Variants in CTDSPL observed in about 807,000 individuals in gnomAD.
The protein encoded by CTDSPL is CTD small phosphatase like.
In CTDSPL, 8 loss-of-function variants were observed where a neutral mutation model predicts 30.5. The ratio of observed to expected loss-of-function variants is 0.26; its 90% CI spans 0.15 to 0.47. CTDSPL has a LOEUF of 0.47. Ranked by LOEUF, CTDSPL falls within the 20% of genes least tolerant of loss-of-function variation. The probability of loss-of-function intolerance (pLI) is 0.99; values close to 1 mark genes in which losing one functional copy is unlikely to be tolerated. For missense variants in CTDSPL, 248 were observed against 366.1 expected, an observed-to-expected ratio of 0.68 and a Z score of 2.63; for synonymous variants, 110 against 137.9, an observed-to-expected ratio of 0.80 and a Z score of 1.42.
chr3:37,980,418 G>C (rs138623096), intron 7 of CTDSPL, among the ~76,000 whole-genome samples: 1 of 152,308 alleles, frequency 6.6e-6, no homozygotes, highest in Non-Finnish European at 1.5e-5. Flanking sequence ...AGTAGAAAGA[G>C]CTTTTGGAAG....
chr3:37,975,941 C>CTGG lies in CTDSPL; in HGVS notation c.705+49_705+50insGTG. The CTGG allele has an allele frequency of 6.3e-7, 1 of 1,583,386 alleles. No individual in the cohort carries two copies. Among genetic ancestry groups the CTGG allele is most frequent in the Non-Finnish European group, 8.6e-7 (1 of 1,158,814 alleles). ...AAATGTCGTGCTCCATCTGAGCCCTCTGTCTTGCCAGGCAGGTACCACTTT... is the reference window on the plus strand; with the variant it reads ...AAATGTCGTGCTCCATCTGAGCCCTCTGGTGTCTTGCCAGGCAGGTACCACTTT... On this transcript the variant is annotated intron_variant, in intron 7 of 7. Transcript: ENST00000273179. The surrounding 1 kb of genome is among the most constrained non-coding windows in gnomAD (Gnocchi z 4.9).
chr3:37,905,364 A>G (rs1272296195), intron 1 of CTDSPL, among the ~76,000 whole-genome samples: 1 of 150,094 alleles, frequency 6.7e-6, no homozygotes. Context: ...GATAATGCCT[A>G]CAAAAAGGAT....
chr3:37,961,116 G>C (rs1259707126), intron 3 of CTDSPL, among the ~76,000 whole-genome samples: 1 of 152,092 alleles, frequency 6.6e-6, no homozygotes, highest in East Asian at 1.9e-4. Context: ...TTGGTGTAAG[G>C]CATGAAGTAG....
At chr3:37,971,989 C>T (rs1699372269) in intron 6 of CTDSPL, among the ~76,000 whole-genome samples, 1 of 152,210 alleles carries the variant, frequency 6.6e-6, no homozygotes, top group Non-Finnish European at 1.5e-5. Flanking sequence ...CAAGTTACTT[C>T]ACTTCTCATG....
chr3:37,919,489 G>A (rs78511444), intron 1 of CTDSPL, among the ~76,000 whole-genome samples: 1 of 152,188 alleles, frequency 6.6e-6, no homozygotes, highest in Non-Finnish European at 1.5e-5. Flanking sequence ...TTTTTAAAAA[G>A]TGAAGTGTAA....
intron 1 of CTDSPL, among the ~76,000 whole-genome samples, chr3:37,873,001 C>T (rs1042236019): frequency 6.6e-6 from 1 of 152,308 alleles, no homozygotes; most frequent in Non-Finnish European, 1.5e-5. Flanking sequence ...TCCTGTGCCT[C>T]CTCTGACACC....
intron 7 of CTDSPL, among the ~76,000 whole-genome samples, chr3:37,978,079 TTTTAGCAGTTG>T (rs1171847209): frequency 6.6e-6 from 1 of 152,182 alleles, no homozygotes; most frequent in African/African-American, 2.4e-5. Context: ...CACCTCATAA[TTTTAGCAGTTG>T]TTGGTGATCA....
chr3:37,935,007 T>TG (rs916875964), intron 1 of CTDSPL, among the ~76,000 whole-genome samples: 14 of 152,320 alleles, frequency 9.2e-5, no homozygotes, highest in African/African-American at 3.4e-4. Flanking sequence ...AGGGTATGTG[T>TG]GCATGTGCCT....
intron 1 of CTDSPL, among the ~76,000 whole-genome samples, chr3:37,912,612 G>A (rs1253968195): frequency 2.0e-5 from 3 of 152,144 alleles, no homozygotes; most frequent in Non-Finnish European, 2.9e-5. Flanking sequence ...GTAATAACAA[G>A]GGCAAAAATG....
At chr3:37,980,514 A>C (rs988328552) in intron 7 of CTDSPL, among the ~76,000 whole-genome samples, 2 of 152,242 alleles carry the variant, frequency 1.3e-5, no homozygotes, top group Admixed American at 1.3e-4. Context: ...GCAAATGCAC[A>C]CAAACTGGGT....
intron 1 of CTDSPL, among the ~76,000 whole-genome samples, chr3:37,905,280 G>A (rs887119786): frequency 6.6e-6 from 1 of 152,198 alleles, no homozygotes; most frequent in East Asian, 1.9e-4. Context: ...CATAAAGGGG[G>A]CAAGGTTTAT....
chr3:37,910,348 G>A (rs373302659), intron 1 of CTDSPL, among the ~76,000 whole-genome samples: 38 of 152,302 alleles, frequency 2.5e-4, no homozygotes, highest in African/African-American at 8.9e-4. Flanking sequence ...GGGCATGGTA[G>A]TGGGCACCTG....
intron 1 of CTDSPL, among the ~76,000 whole-genome samples, chr3:37,897,457 T>G (rs570155221): frequency 1.3e-5 from 2 of 152,304 alleles, no homozygotes; most frequent in South Asian, 2.1e-4. Flanking sequence ...AATTTCCAAA[T>G]GCAAGTAGGA....
At chr3:37,869,349 T>G (rs1463509503) in intron 1 of CTDSPL, among the ~76,000 whole-genome samples, 2 of 152,110 alleles carry the variant, frequency 1.3e-5, no homozygotes, top group Non-Finnish European at 2.9e-5. Flanking sequence ...TATCCTACAA[T>G]GCTGTAGAGT....
At position 37,862,296 on chromosome 3, in the gene CTDSPL, C is replaced by T; in HGVS notation, c.79+18C>T. On this transcript the variant is annotated intron_variant, in intron 1 of 7. Transcript: ENST00000273179. The surrounding 1 kb of genome is among the most constrained non-coding windows in gnomAD (Gnocchi z 4.3). ...CGAGAAAGGTGAGGAGGGGCGCAGG[C>T]GGCCGCGGGCTGGGGGCGAGCGCAC... 4 of 1,480,000 alleles carry T rather than the reference C, an allele frequency of 2.7e-6. No homozygotes were observed. The highest frequency in any genetic ancestry group is 2.3e-5 in the Admixed American group (1 of 43,892). 91.7% of individuals were successfully genotyped at this position (1,480,000 alleles called of 1,614,324 possible). A position where few individuals can be genotyped will look rare whatever the true frequency, so the allele number is the denominator to read the frequency against.
intron 1 of CTDSPL, among the ~76,000 whole-genome samples, chr3:37,878,699 G>A (rs1371767286): frequency 6.6e-6 from 1 of 152,158 alleles, no homozygotes; most frequent in African/African-American, 2.4e-5. Flanking sequence ...GACTCTGAAA[G>A]GCAAGATGTA....
At chr3:37,964,518 T>C in intron 3 of CTDSPL, 53 bp from the exon 4 acceptor site, 1 of 1,252,252 alleles carries the variant, frequency 8.0e-7, no homozygotes, top group South Asian at 1.2e-5. Context: ...AATGCAATAC[T>C]GATTGGTTTG....
rs1699092588 is a variant in CTDSPL, at chr3:37,950,295, G to A, written c.234+3084G>A. Among the ~76,000 whole-genome samples, 3 of 152,160 alleles carry A rather than the reference G, an allele frequency of 2.0e-5. No individual in the cohort carries two copies. The South Asian group carries it at 6.2e-4, about 32-fold the overall frequency. Reference sequence around the variant, plus strand: ...AGACACTAAGGGAACACACAACCTGGTGCAAGCAAAGAAAAATGCAGCCTC... The same window carrying A: ...AGACACTAAGGGAACACACAACCTGATGCAAGCAAAGAAAAATGCAGCCTC... On this transcript the variant is annotated intron_variant, in intron 2 of 7. Transcript: ENST00000273179.
At position 37,983,548 on chromosome 3, in the gene CTDSPL, C is replaced by G. The variant is rs1441268953; in HGVS notation, c.*2681C>G. On this transcript the variant is annotated 3_prime_UTR_variant, in exon 8 of 8. Transcript: ENST00000273179. ...CCCAACTCTTTAGCCAAAAGAGAAC[C>G]CTGACCTCCTGAGTTTCCATGCTCC... is the stretch of plus-strand genomic sequence containing the variant. 1 of 152,586 alleles carries G rather than the reference C, an allele frequency of 6.6e-6. No individual in the cohort carries two copies. The highest frequency in any genetic ancestry group is 6.5e-5 in the Admixed American group (1 of 15,282). The allele number at this position is 152,586 out of a possible 1,614,324, so 9.5% of individuals were successfully genotyped here.
Sources: allele counts gnomAD v4.1 joint callset (sites outside exome capture counted in the v4.1 genomes callset), GRCh38; gene constraint gnomAD v4.1.1; non-coding constraint Gnocchi (gnomAD v3.1); transcripts MANE v1.5; gene names NCBI Gene and HGNC (gene_info 2026-07-23, HGNC 2026-07-21).